AGBL1: variants seen among roughly 807,000 people sequenced by gnomAD.
AGBL1 encodes the protein AGBL carboxypeptidase 1, also known as cytosolic carboxypeptidase 4.
AGBL1 carries 130 observed loss-of-function variants against 118.9 expected under a neutral mutation model. The ratio of observed to expected loss-of-function variants is 1.09; its 90% CI spans 0.95 to 1.26. The LOEUF (loss-of-function observed/expected upper bound fraction) is 1.26. AGBL1 is among the 50% of genes most tolerant of loss of function. AGBL1 has a pLI of 0.00. For missense variants in AGBL1, 1,584 were observed against 1,298.1 expected (o/e 1.22, Z -3.38); for synonymous variants, 555 against 478.9 (o/e 1.16, Z -2.08).
chr15:86,662,351 T>A (rs917154718), intron 21 of AGBL1, among the ~76,000 whole-genome samples: 1 of 152,264 alleles, frequency 6.6e-6, no homozygotes, highest in Admixed American at 6.5e-5. Flanking sequence ...TTAATCTTTA[T>A]AGAAGCACTT....
chr15:86,153,998 G>A (rs747616497), intron 3 of AGBL1, among the ~76,000 whole-genome samples: 13 of 152,186 alleles, frequency 8.5e-5, no homozygotes, highest in African/African-American at 3.1e-4. Context: ...TTCTCCAAAT[G>A]TTCCCAACTG....
rs2083704639 is a variant in AGBL1 at position 86,554,441 on chromosome 15, T to C, written c.2898T>C (p.Ala966=). 1.9e-6 allele frequency: 3 copies of C among 1,588,554 alleles called. No homozygotes were observed. The highest frequency in any genetic ancestry group is 1.2e-5 in the South Asian group (1 of 86,782). Residue 966 remains alanine, a synonymous_variant, in exon 21 of 23, where the codon GCT becomes GCC. Coordinates refer to ENST00000614907, the MANE Select transcript of AGBL1 (RefSeq NM_001386094.1). ...SCSFLVEKSR[A]STARVVVWRE... ...GCTTTCTCGTGGAGAAATCTCGAGCTTCCACGGCCCGGGTGGTGGTGTGGA... is the reference window on the plus strand; with the variant it reads ...GCTTTCTCGTGGAGAAATCTCGAGCCTCCACGGCCCGGGTGGTGGTGTGGA...
intron 18 of AGBL1, among the ~76,000 whole-genome samples, chr15:86,494,735 C>A (rs1002253476): frequency 1.3e-5 from 2 of 151,992 alleles, no homozygotes; most frequent in Non-Finnish European, 2.9e-5. Flanking sequence ...AGATGTCATC[C>A]TTTACTCTAG....
intron 17 of AGBL1, among the ~76,000 whole-genome samples, chr15:86,365,248 G>T (rs2080870275): frequency 6.6e-6 from 1 of 152,030 alleles, no homozygotes; most frequent in African/African-American, 2.4e-5. Context: ...GCCTAGTTTT[G>T]ATCTCCTACA....
At chr15:86,548,605 G>A (rs1165064509) in intron 20 of AGBL1, among the ~76,000 whole-genome samples, 1 of 151,424 alleles carries the variant, frequency 6.6e-6, no homozygotes, top group African/African-American at 2.4e-5. Flanking sequence ...CACTCTATGT[G>A]GTCATCAAGA....
At chr15:86,820,691 G>C (rs151089267) in intron 22 of AGBL1, among the ~76,000 whole-genome samples, 1 of 152,000 alleles carries the variant, frequency 6.6e-6, no homozygotes, top group Non-Finnish European at 1.5e-5. Context: ...ACAGAAACTG[G>C]AGAGGATGTG....
At chr15:86,297,742 G>C (rs1567185251) in intron 17 of AGBL1, among the ~76,000 whole-genome samples, 1 of 152,290 alleles carries the variant, frequency 6.6e-6, no homozygotes, top group East Asian at 1.9e-4. Flanking sequence ...TTATTTTACA[G>C]ATGGGGTAAG....
chr15:86,686,379 TAGG>T (rs751742728), intron 22 of AGBL1, among the ~76,000 whole-genome samples: 2 of 151,608 alleles, frequency 1.3e-5, no homozygotes, highest in Non-Finnish European at 2.9e-5. Flanking sequence ...ATCAGAAAAA[TAGG>T]AGTTAATGGC....
intron 6 of AGBL1, among the ~76,000 whole-genome samples, chr15:86,245,544 A>G (rs1333012925): frequency 6.6e-6 from 1 of 152,224 alleles, no homozygotes; most frequent in Non-Finnish European, 1.5e-5. Flanking sequence ...ATGCTTGTCC[A>G]CCAACCCTGT....
intron 23 of AGBL1, among the ~76,000 whole-genome samples, chr15:86,961,480 G>C (rs979222533): frequency 2.6e-5 from 4 of 151,984 alleles, no homozygotes; most frequent in South Asian, 4.1e-4. Flanking sequence ...AAGAGACCCA[G>C]AGCCAGCAAA....
intron 23 of AGBL1, among the ~76,000 whole-genome samples, chr15:86,945,432 G>T (rs1430990441): frequency 6.6e-6 from 1 of 152,004 alleles, no homozygotes; most frequent in Non-Finnish European, 1.5e-5. Context: ...AGTTTGGGGA[G>T]CCGAGGCAGG....
chr15:86,700,414 G>A (rs2086335948), intron 22 of AGBL1, among the ~76,000 whole-genome samples: 1 of 150,520 alleles, frequency 6.6e-6, no homozygotes, highest in South Asian at 2.1e-4. Context: ...TGTGAAGTTA[G>A]TATTATAAAC....
chr15:86,965,299 T>A (rs1290655658), intron 23 of AGBL1, among the ~76,000 whole-genome samples: 1 of 152,120 alleles, frequency 6.6e-6, no homozygotes. Flanking sequence ...ATCTGCTGTT[T>A]CCTGACTTTT....
intron 19 of AGBL1, among the ~76,000 whole-genome samples, chr15:86,537,719 C>G (rs192694741): frequency 6.6e-6 from 1 of 152,354 alleles, no homozygotes; most frequent in Non-Finnish European, 1.5e-5. Flanking sequence ...TGAGATATCA[C>G]ACATCACTTT....
At chr15:86,926,792 A>G (rs1567243855) in intron 23 of AGBL1, among the ~76,000 whole-genome samples, 1 of 152,216 alleles carries the variant, frequency 6.6e-6, no homozygotes, top group African/African-American at 2.4e-5. Flanking sequence ...CAGAATTTCT[A>G]TGCATCATCA....
At chr15:86,867,947 G>A (rs889091100) in intron 22 of AGBL1, among the ~76,000 whole-genome samples, 4 of 152,128 alleles carry the variant, frequency 2.6e-5, no homozygotes, top group South Asian at 4.2e-4. Context: ...AATAGCAATC[G>A]TTACAGAGAG....
chr15:86,475,646 C>G (rs982491921), intron 18 of AGBL1, among the ~76,000 whole-genome samples: 3 of 152,188 alleles, frequency 2.0e-5, no homozygotes, highest in Admixed American at 6.5e-5. Context: ...TTGGAAAACA[C>G]TCGGCAGGAT....
downstream of AGBL1, chr15:86,916,200 G>A (rs958875461): frequency 6.6e-6 from 1 of 152,182 alleles, no homozygotes; most frequent in Admixed American, 6.5e-5. Context: ...TGTAATTCTG[G>A]TTTGGTATAT....
chr15:86,251,745 A>C (rs1764104459), intron 7 of AGBL1, among the ~76,000 whole-genome samples: 1 of 152,108 alleles, frequency 6.6e-6, no homozygotes, highest in Non-Finnish European at 1.5e-5. Flanking sequence ...GGTGCTGTGT[A>C]ATGTAGTATA....
Sources: gnomAD v4.1 joint callset for allele counts (sites outside exome capture counted in the v4.1 genomes callset) on GRCh38, gnomAD v4.1.1 for gene constraint, MANE v1.5 for transcripts, NCBI Gene and HGNC (gene_info 2026-07-23, HGNC 2026-07-21) for gene names.